Variants in CAPS2 observed in about 807,000 individuals in gnomAD.
CAPS2 encodes the protein calcyphosin-2.
CAPS2 carries 98 observed loss-of-function variants against 86.5 expected under a neutral mutation model. The ratio of observed to expected loss-of-function variants is 1.13; its 90% CI spans 0.96 to 1.34. The LOEUF (loss-of-function observed/expected upper bound fraction) is 1.34. CAPS2 is among the 40% of genes most tolerant of loss of function. The probability of loss-of-function intolerance (pLI) is 0.00; values close to 1 mark genes in which losing one functional copy is unlikely to be tolerated. For synonymous variants in CAPS2, 210 were observed against 225.1 expected, an observed-to-expected ratio of 0.93 and a Z score of 0.60; for missense variants, 729 against 686.8, an observed-to-expected ratio of 1.06 and a Z score of -0.69.
intron 1 of CAPS2, among the ~76,000 whole-genome samples, chr12:75,371,707 G>A (rs2044370387): frequency 1.3e-5 from 2 of 152,162 alleles, no homozygotes. Context: ...AATGAAGTCA[G>A]TAAATCTTAT....
chr12:75,298,887 G>A lies in CAPS2; in HGVS notation c.934C>T (p.Gln312Ter), dbSNP rs2037348934. Residue 312 changes from glutamine to a stop codon, truncating the protein, a stop_gained, in exon 10 of 17, where the codon CAA becomes TAA. Coordinates refer to ENST00000393284, the Ensembl canonical transcript of CAPS2. LOFTEE classifies it high-confidence loss of function. ...ATGGCATACCTATTTTTCCCAAATT[G>A]TCGATATTCATAAATTGTAAGGGAT... 6.2e-7 allele frequency: 1 copy of A among 1,609,968 alleles called. No homozygotes were observed. The highest frequency in any genetic ancestry group is 1.7e-5 in the Admixed American group (1 of 59,500).
At chr12:75,383,096 T>G (rs982131921) in intron 1 of CAPS2, among the ~76,000 whole-genome samples, 3 of 152,238 alleles carry the variant, frequency 2.0e-5, no homozygotes, top group African/African-American at 7.2e-5. Flanking sequence ...ACGTATTTCA[T>G]GAAACTATGA....
chr12:75,321,608 G>GA (rs569185765), intron 4 of CAPS2, 32 bp from the exon 5 acceptor site: 519 of 1,428,192 alleles, frequency 3.6e-4, no homozygotes, highest in Non-Finnish European at 4.1e-4. Context: ...CATGCTATCA[G>GA]AAAAAAAAAG....
At chr12:75,354,120 A>G (rs1317551410) in intron 1 of CAPS2, among the ~76,000 whole-genome samples, 1 of 140,510 alleles carries the variant, frequency 7.1e-6, no homozygotes, top group Admixed American at 7.1e-5. Flanking sequence ...TCTATTCAAC[A>G]TAGTATTGGA....
upstream of CAPS2, among the ~76,000 whole-genome samples, chr12:75,326,872 G>C (rs1339463440): frequency 1.3e-5 from 2 of 152,140 alleles, no homozygotes; most frequent in Non-Finnish European, 2.9e-5. Context: ...TTGTAAGAGG[G>C]AAGCAAGAAG....
At chr12:75,362,868 T>C (rs1015412837) in intron 1 of CAPS2, among the ~76,000 whole-genome samples, 33 of 152,300 alleles carry the variant, frequency 2.2e-4, no homozygotes, top group Admixed American at 2.0e-3. Flanking sequence ...GGTTCACATC[T>C]CATTATTCTT....
intron 1 of CAPS2, among the ~76,000 whole-genome samples, chr12:75,351,211 T>C (rs2042787504): frequency 2.0e-5 from 3 of 152,218 alleles, no homozygotes; most frequent in South Asian, 4.1e-4. Context: ...CTATGACTGA[T>C]TGGGGTACCT....
At chr12:75,380,559 T>C (rs1353898506) in intron 1 of CAPS2, among the ~76,000 whole-genome samples, 1 of 152,156 alleles carries the variant, frequency 6.6e-6, no homozygotes, top group Non-Finnish European at 1.5e-5. Flanking sequence ...AAAACTAATA[T>C]AAAAAAACAT....
At chr12:75,279,477 T>C (rs1182542176) in intron 16 of CAPS2, among the ~76,000 whole-genome samples, 1 of 151,956 alleles carries the variant, frequency 6.6e-6, no homozygotes, top group Non-Finnish European at 1.5e-5. Flanking sequence ...TAAAGTCAGG[T>C]TATGCTTTAA....
chr12:75,343,551 CTA>C lies in CAPS2; in HGVS notation c.-394-20331_-394-20330del. The C allele has an allele frequency of 4.6e-6, 3 of 655,890 alleles. No individual in the cohort carries two copies. In the South Asian group the frequency reaches 6.7e-5, roughly 15 times the overall value. The allele number at this position is 655,890 out of a possible 1,614,324, so 40.6% of individuals were successfully genotyped here. ...AGTAGAACTAAAAAGAAATCACTAA[CTA>C]TGCACATAATAAATACCAAAGAAAA... On this transcript the variant is annotated intron_variant, in intron 1 of 5. Coordinates refer to the CAPS2 transcript ENST00000551829.
intron 5 of CAPS2, among the ~76,000 whole-genome samples, chr12:75,319,343 G>A (rs999626910): frequency 1.3e-5 from 2 of 152,102 alleles, no homozygotes; most frequent in African/African-American, 2.4e-5. Flanking sequence ...GGAGGCGAGT[G>A]AGTTTTCATT....
At chr12:75,293,766 T>G (rs2036420293) in intron 11 of CAPS2, among the ~76,000 whole-genome samples, 1 of 152,206 alleles carries the variant, frequency 6.6e-6, no homozygotes, top group Non-Finnish European at 1.5e-5. Flanking sequence ...GAACTTTTGA[T>G]GACAGATGTT....
At chr12:75,369,916 T>C in intron 1 of CAPS2, 2 of 1,278,556 alleles carry the variant, frequency 1.6e-6, no homozygotes, top group Non-Finnish European at 2.1e-6. Flanking sequence ...TATGTTTTCT[T>C]GTTTTATAAC....
At chr12:75,306,189 C>G in intron 7 of CAPS2, 1 of 770,024 alleles carries the variant, frequency 1.3e-6, no homozygotes, top group Admixed American at 2.3e-5. Context: ...GGCCCGGCCC[C>G]TACGTGGAGC....
At chr12:75,326,616 A>G (rs537698454), upstream of CAPS2, 1 of 667,468 alleles carries the variant, frequency 1.5e-6, no homozygotes, top group Admixed American at 2.4e-5. Context: ...TCTACCTGGA[A>G]AGAAATCATA....
upstream of CAPS2, among the ~76,000 whole-genome samples, chr12:75,328,080 C>A (rs1376775571): frequency 1.3e-5 from 2 of 151,888 alleles, no homozygotes; most frequent in African/African-American, 2.4e-5. Context: ...TCATTAGATT[C>A]AAAAATTCTC....
At chr12:75,323,358 C>T (rs1321115378) in intron 2 of CAPS2, 136 bp from the exon 4 acceptor site, 4 of 572,938 alleles carry the variant, frequency 7.0e-6, no homozygotes, top group Non-Finnish European at 8.9e-6. Flanking sequence ...TTGTGATAGG[C>T]TTTTGTTAAA....
intron 14 of CAPS2, among the ~76,000 whole-genome samples, chr12:75,286,386 T>G (rs558822268): frequency 3.3e-5 from 5 of 152,082 alleles, no homozygotes; most frequent in African/African-American, 1.2e-4. Flanking sequence ...GAAGACCAAT[T>G]TGCTCATCCA....
intron 5 of CAPS2, among the ~76,000 whole-genome samples, chr12:75,316,770 ATAAT>A (rs562504103): frequency 2.0e-4 from 31 of 152,188 alleles, no homozygotes; most frequent in Non-Finnish European, 3.5e-4. Context: ...AGCAGCTATT[ATAAT>A]TATTATTGTC....
Sources: allele counts gnomAD v4.1 joint callset (sites outside exome capture counted in the v4.1 genomes callset), GRCh38; gene constraint gnomAD v4.1.1; transcripts MANE v1.5; gene names NCBI Gene and HGNC (gene_info 2026-07-23, HGNC 2026-07-21).